Variants in WLS observed in about 807,000 individuals in gnomAD.
WLS encodes protein wntless homolog.
Under a neutral mutation model 62.8 loss-of-function variants are expected in WLS, and 23 were observed. The ratio of observed to expected loss-of-function variants is 0.37; its 90% CI spans 0.26 to 0.52. The LOEUF (loss-of-function observed/expected upper bound fraction) is 0.52. WLS is among the 20% of genes least tolerant of loss of function. The pLI is 0.92. For synonymous variants in WLS, 246 were observed against 244.1 expected (o/e 1.01, Z -0.07); for missense variants, 615 against 697.3 (o/e 0.88, Z 1.33).
chr1:68,117,982 A>C lies in WLS; in HGVS notation c.1511-19229T>G, dbSNP rs560524710. 7.2e-5 allele frequency among the ~76,000 whole-genome samples: 11 copies of C among 151,748 alleles called. No homozygotes were observed. The South Asian group carries it at 2.1e-3, about 29-fold the overall frequency. ...TATATGAATTGATGAGAAAAAAAAA[A>C]CAGAATTTTTAAAACTAGAAAAAAT... On this transcript the variant is annotated intron_variant, in intron 11 of 11. Coordinates refer to the WLS transcript ENST00000354777.
chr1:68,207,973 G>A (rs753535040), intron 1 of WLS, among the ~76,000 whole-genome samples: 6 of 152,238 alleles, frequency 3.9e-5, no homozygotes, highest in Non-Finnish European at 5.9e-5. Flanking sequence ...CCTGAGGGGT[G>A]TGTTCATCAA....
chr1:68,197,196 A>G (rs2100613696), intron 1 of WLS, among the ~76,000 whole-genome samples: 1 of 152,230 alleles, frequency 6.6e-6, no homozygotes, highest in East Asian at 1.9e-4. Flanking sequence ...AAACTTAATA[A>G]CAGAGAAGCT....
At chr1:68,128,661 T>TG (rs1324018247) in intron 11 of WLS, among the ~76,000 whole-genome samples, 1 of 152,240 alleles carries the variant, frequency 6.6e-6, no homozygotes, top group Non-Finnish European at 1.5e-5. Flanking sequence ...ACAGATCACT[T>TG]GAAAAAACAG....
In WLS at chr1:68,187,350, C is replaced by T. The variant is rs1175620577; in HGVS notation, c.379+6605G>A. 2.6e-5 allele frequency among the ~76,000 whole-genome samples: 4 copies of T among 151,720 alleles called. No homozygotes were observed. In the East Asian group the frequency reaches 7.7e-4, roughly 29 times the overall value. ...TCCATCTTGTTAACTTTTTAGTATG[C>T]CCCCTATTAAGTGCTAGTTCTCATG... On this transcript the variant is annotated intron_variant, in intron 2 of 11. Coordinates refer to ENST00000262348, the MANE Select transcript of WLS (RefSeq NM_024911.7).
chr1:68,158,345 G>C (rs1418293808), intron 3 of WLS, among the ~76,000 whole-genome samples: 1 of 152,118 alleles, frequency 6.6e-6, no homozygotes, highest in Non-Finnish European at 1.5e-5. Flanking sequence ...CACTGCAATG[G>C]GTACTTAGGT....
intron 11 of WLS, among the ~76,000 whole-genome samples, chr1:68,103,715 C>T (rs1304696246): frequency 6.6e-6 from 1 of 152,124 alleles, no homozygotes; most frequent in Non-Finnish European, 1.5e-5. Flanking sequence ...AGCATAGGAG[C>T]ACAGAGTCGG....
intron 4 of WLS, among the ~76,000 whole-genome samples, chr1:68,154,382 G>T (rs996572344): frequency 1.3e-5 from 2 of 152,092 alleles, no homozygotes; most frequent in Admixed American, 1.3e-4. Context: ...GTTGAGATTG[G>T]TAAGTGTTAA....
At chr1:68,169,774 A>G (rs1186231119) in intron 2 of WLS, among the ~76,000 whole-genome samples, 1 of 152,114 alleles carries the variant, frequency 6.6e-6, no homozygotes, top group Non-Finnish European at 1.5e-5. Flanking sequence ...ATGCCTTTAT[A>G]TTGTCTTCAG....
chr1:68,176,591 G>T (rs1268218224), intron 2 of WLS, among the ~76,000 whole-genome samples: 1 of 152,082 alleles, frequency 6.6e-6, no homozygotes, highest in African/African-American at 2.4e-5. Flanking sequence ...GGTCATCAAG[G>T]CAACTCACCT....
chr1:68,115,104 C>T (rs930949740), intron 11 of WLS, among the ~76,000 whole-genome samples: 1 of 152,228 alleles, frequency 6.6e-6, no homozygotes, highest in East Asian at 1.9e-4. Context: ...ACACCCCCCA[C>T]CACACCCGGT....
At chr1:68,226,818 A>G (rs1370357755) in intron 1 of WLS, among the ~76,000 whole-genome samples, 1 of 152,206 alleles carries the variant, frequency 6.6e-6, no homozygotes. Context: ...AATTTCAACA[A>G]ATTCAAAATT....
intron 5 of WLS, among the ~76,000 whole-genome samples, chr1:68,152,721 A>G (rs1646843597): frequency 6.6e-6 from 1 of 152,170 alleles, no homozygotes; most frequent in South Asian, 2.1e-4. Context: ...AGAGGAGCAG[A>G]AAAAGGGTAT....
At chr1:68,150,043 G>C (rs1401528115) in intron 6 of WLS, 145 bp downstream of exon 6, 2 of 777,526 alleles carry the variant, frequency 2.6e-6, no homozygotes, top group Non-Finnish European at 4.0e-6. Context: ...TGAACCAGAG[G>C]GTCTGCCTCC....
At chr1:68,184,281 G>T (rs1356732338) in intron 2 of WLS, among the ~76,000 whole-genome samples, 1 of 152,178 alleles carries the variant, frequency 6.6e-6, no homozygotes, top group African/African-American at 2.4e-5. Context: ...GGAGAGTCTG[G>T]GGTATACTAA....
chr1:68,137,246 G>A (rs990650364), intron 11 of WLS, among the ~76,000 whole-genome samples: 1 of 148,238 alleles, frequency 6.7e-6, no homozygotes, highest in African/African-American at 2.5e-5. Context: ...ATATAAAAAG[G>A]CAGCAGCACA....
chr1:68,101,774 G>A (rs1646082000), intron 11 of WLS, among the ~76,000 whole-genome samples: 1 of 152,170 alleles, frequency 6.6e-6, no homozygotes, highest in Non-Finnish European at 1.5e-5. Flanking sequence ...TGGCTGCAAG[G>A]GGCTTTGCAA....
At chr1:68,126,637 G>A (rs1388638372) in intron 11 of WLS, among the ~76,000 whole-genome samples, 4 of 152,154 alleles carry the variant, frequency 2.6e-5, no homozygotes, top group Non-Finnish European at 5.9e-5. Flanking sequence ...CTTTGTGCCT[G>A]ACGCTATTCT....
At chr1:68,148,733 T>C in intron 6 of WLS, 73 bp from the exon 7 acceptor site, 2 of 1,403,786 alleles carry the variant, frequency 1.4e-6, no homozygotes, top group Non-Finnish European at 2.0e-6. Context: ...GGAGTCAGCA[T>C]TCGAAGGACA....
intron 2 of WLS, among the ~76,000 whole-genome samples, chr1:68,170,957 T>C (rs1647144973): frequency 6.6e-6 from 1 of 152,192 alleles, no homozygotes; most frequent in South Asian, 2.1e-4. Flanking sequence ...TTTCTCCAAA[T>C]AACTCTTACA....
Sources: gnomAD v4.1 joint callset for allele counts (sites outside exome capture counted in the v4.1 genomes callset) on GRCh38, gnomAD v4.1.1 for gene constraint, MANE v1.5 for transcripts, NCBI Gene and HGNC (gene_info 2026-07-23, HGNC 2026-07-21) for gene names.